Variants in MYH9 observed in about 807,000 individuals in gnomAD.
MYH9 encodes myosin heavy chain 9, also known as myosin-9.
Under a neutral mutation model 241.9 loss-of-function variants are expected in MYH9, and 29 were observed. That is an observed-to-expected ratio of 0.12 (90% CI 0.09 to 0.16). The LOEUF is 0.16. Ranked by LOEUF, MYH9 falls within the 10% of genes least tolerant of loss-of-function variation. The pLI is 1.00. For synonymous variants in MYH9, 1,047 were observed against 1,062.6 expected (o/e 0.99, Z 0.29); for missense variants, 1,803 against 2,595.5 (o/e 0.69, Z 6.63).
chr22:36,360,580 G>A lies in MYH9; in HGVS notation c.-19-11325C>T, dbSNP rs2146405435. Reference sequence around the variant, plus strand: ...TACAAAAAATTAGCCGGGCATGGTGGCGGGCACCTGTAGTCCCAGCTACTC... The same window carrying A: ...TACAAAAAATTAGCCGGGCATGGTGACGGGCACCTGTAGTCCCAGCTACTC... On this transcript the variant is annotated intron_variant, in intron 1 of 40. Transcript: ENST00000216181. Among the ~76,000 whole-genome samples the A allele has an allele frequency of 1.3e-5, 2 of 152,042 alleles. 1 individual carries two copies. The highest frequency in any genetic ancestry group is 4.2e-4 in the South Asian group (2 of 4,802).
chr22:36,286,631 T>G, intron 35 of MYH9, 87 bp downstream of exon 35: 2 of 1,586,388 alleles, frequency 1.3e-6, no homozygotes, highest in Non-Finnish European at 1.7e-6. Context: ...CCAGTAGGAC[T>G]CCAGCCCTGT....
At position 36,288,109 on chromosome 22, in the gene MYH9, G is replaced by T; in HGVS notation, c.4932+143C>A. 1 of 958,170 alleles carries T rather than the reference G, an allele frequency of 1.0e-6. No individual in the cohort carries two copies. The highest frequency in any genetic ancestry group is 1.6e-6 in the Non-Finnish European group (1 of 619,908). 59.4% of individuals were successfully genotyped at this position (958,170 alleles called of 1,614,324 possible). ...TCTGAGCCTCTGAGTCTCTGTCAGTGAGATGGGGCTGGAAGCACCCAGGAC... is the reference window on the plus strand; with the variant it reads ...TCTGAGCCTCTGAGTCTCTGTCAGTTAGATGGGGCTGGAAGCACCCAGGAC... On this transcript the variant is annotated intron_variant, in intron 34 of 40. Transcript: ENST00000216181. The surrounding 1 kb of genome is among the most constrained non-coding windows in gnomAD (Gnocchi z 4.8).
intron 2 of MYH9, among the ~76,000 whole-genome samples, chr22:36,342,717 T>C: frequency 6.6e-6 from 1 of 151,330 alleles, no homozygotes; most frequent in Non-Finnish European, 1.5e-5. Context: ...AACGCAACCC[T>C]CTTCAAGCAA....
rs1452906166 is a variant in MYH9 at position 36,309,282 on chromosome 22, C to T, written c.1843G>A (p.Val615Met). Residue 615 changes from valine (V) to methionine (M), a missense_variant and splice_region_variant, in exon 15 of 41, where the codon GTG becomes ATG. This residue lies in a region of MYH9 where 163 missense variants were observed against 349.7 expected (regional missense o/e 0.47). Transcript: ENST00000216181. ...DKFVSELWKD[V>M]DRIIGLDQVA... Reference sequence around the variant, plus strand: ...AGGGGGCGAAGGGCAAAGGGCGTACCATCCTTCCACAGCTCCGAGACAAAC... The same window carrying T: ...AGGGGGCGAAGGGCAAAGGGCGTACTATCCTTCCACAGCTCCGAGACAAAC... 6.2e-7 allele frequency: 1 copy of T among 1,613,670 alleles called. No individual in the cohort carries two copies. The highest frequency in any genetic ancestry group is 1.1e-5 in the South Asian group (1 of 91,066).
At chr22:36,327,806 C>T (rs1469907971) in intron 3 of MYH9, among the ~76,000 whole-genome samples, 1 of 152,184 alleles carries the variant, frequency 6.6e-6, no homozygotes, top group Admixed American at 6.5e-5. Context: ...AGTCGACTTC[C>T]CTGGGAGCTG....
chr22:36,327,440 C>T, intron 4 of MYH9, 21 bp downstream of exon 4: 3 of 1,613,864 alleles, frequency 1.9e-6, no homozygotes, highest in Non-Finnish European at 2.5e-6. Context: ...CGAACCACTA[C>T]CCAGACGGAG....
rs1407087787 is a variant in MYH9 at position 36,329,811 on chromosome 22, G to A, written c.491-2323C>T. ...AGGGCATGGACACACACATAGACAC[G>A]CAAGCATCTGTGCATACACAGTCAC... On this transcript the variant is annotated intron_variant, in intron 3 of 40. Coordinates refer to ENST00000216181, the MANE Select transcript of MYH9 (RefSeq NM_002473.6). The surrounding 1 kb of genome is among the most constrained non-coding windows in gnomAD (Gnocchi z 4.1). Among the ~76,000 whole-genome samples the A allele has an allele frequency of 1.3e-5, 2 of 152,196 alleles. No homozygotes were observed. The highest frequency in any genetic ancestry group is 2.1e-4 in the South Asian group (1 of 4,834).
chr22:36,381,576 G>A (rs968200797), intron 1 of MYH9, among the ~76,000 whole-genome samples: 2 of 151,090 alleles, frequency 1.3e-5, no homozygotes, highest in African/African-American at 4.9e-5. Flanking sequence ...CTGTTGCCTA[G>A]ACCCTAGGCA....
rs117042257 is a variant in MYH9 at position 36,352,248 on chromosome 22, G to A, written c.-19-2993C>T. ...CCAGAGCGTTCAACAAATATTTGCC[G>A]GATGTTATCAGGTAGGCAGGAAGGC... On this transcript the variant is annotated intron_variant, in intron 1 of 40. Coordinates refer to ENST00000216181, the MANE Select transcript of MYH9 (RefSeq NM_002473.6). 2.0e-3 allele frequency among the ~76,000 whole-genome samples: 300 copies of A among 152,304 alleles called. 1 individual carries two copies. The highest frequency in any genetic ancestry group is 5.8e-3 in the East Asian group (30 of 5,182).
Position 36,306,423 on chromosome 22 carries a change from G to GTGGT in MYH9, c.2024_2027dup (p.His676GlnfsTer48). 6.2e-7 allele frequency: 1 copy of GTGGT among 1,614,116 alleles called. No individual in the cohort carries two copies. The highest frequency in any genetic ancestry group is 8.5e-7 in the Non-Finnish European group (1 of 1,180,042). ...CACCAGGCAGCCGCACCTTCTTCTC[G>GTGGT]TGGTTGGGGATGATGCAGCGGACAA... On this transcript the variant is annotated frameshift_variant, in exon 16 of 41. Transcript: ENST00000216181. LOFTEE classifies it high-confidence loss of function. The surrounding 1 kb of genome is among the most constrained non-coding windows in gnomAD (Gnocchi z 4.1).
intron 2 of MYH9, among the ~76,000 whole-genome samples, chr22:36,347,435 C>T (rs1459553430): frequency 2.0e-5 from 3 of 151,690 alleles, no homozygotes; most frequent in African/African-American, 7.3e-5. Context: ...AACAAGCATC[C>T]GTAAAGAACA....
At chr22:36,292,290 C>A (rs984313527) in intron 30 of MYH9, 56 bp from the exon 31 acceptor site, 8 of 1,608,644 alleles carry the variant, frequency 5.0e-6, no homozygotes, top group African/African-American at 2.7e-5. Flanking sequence ...TCAGGTGGCA[C>A]ACCCGTCCCT....
At chr22:36,344,227 G>A (rs551548747) in intron 2 of MYH9, among the ~76,000 whole-genome samples, 2 of 152,370 alleles carry the variant, frequency 1.3e-5, no homozygotes, top group African/African-American at 2.4e-5. Flanking sequence ...GCGCCCACGC[G>A]GCGCGGCCAC....
intron 13 of MYH9, among the ~76,000 whole-genome samples, chr22:36,313,810 G>A (rs2017106293): frequency 6.6e-6 from 1 of 152,290 alleles, no homozygotes; most frequent in East Asian, 1.9e-4. Context: ...TTAAGACAAA[G>A]AAATGCTTAT....
intron 27 of MYH9, 122 bp from the exon 28 acceptor site, chr22:36,294,420 G>A: frequency 2.8e-6 from 3 of 1,067,180 alleles, no homozygotes; most frequent in Admixed American, 2.0e-5. Flanking sequence ...CGGTGTGCCT[G>A]CGTCCTGGAC....
At chr22:36,343,328 G>C (rs2017618914) in intron 2 of MYH9, among the ~76,000 whole-genome samples, 1 of 152,084 alleles carries the variant, frequency 6.6e-6, no homozygotes, top group Non-Finnish European at 1.5e-5. Context: ...TTGAGGCCAG[G>C]AGTTCGAGAC....
At chr22:36,287,052 G>A (rs1005307635) in intron 34 of MYH9, 7 of 688,252 alleles carry the variant, frequency 1.0e-5, no homozygotes, top group African/African-American at 1.8e-5. Context: ...GACAGTGTTC[G>A]TCACCGTGGA....
rs747177367 is a variant in MYH9, at chr22:36,285,129, G to C, written c.5475C>G (p.Asn1825Lys). ...GGGCCAGGGGCACGTACTTGGTCTC[G>C]TTGTCCAGCTGCTCCTCCAGCTGTG... ...KIAQLEEQLDNETKERQAACK... is the reference protein window; with the variant it reads ...KIAQLEEQLDKETKERQAACK... Residue 1825 changes from asparagine (N) to lysine (K), a missense_variant, in exon 38 of 41, where the codon AAC becomes AAG. Around this residue, in one of 11 missense-constraint regions of MYH9, gnomAD observed 876 missense variants for 1,077.8 expected, o/e 0.81. Coordinates refer to ENST00000216181, the MANE Select transcript of MYH9 (RefSeq NM_002473.6). The surrounding 1 kb of genome is among the most constrained non-coding windows in gnomAD (Gnocchi z 7.0). 2.5e-6 allele frequency: 4 copies of C among 1,613,986 alleles called. No homozygotes were observed. Among genetic ancestry groups the C allele is most frequent in the South Asian group, 2.2e-5 (2 of 91,076 alleles).
chr22:36,349,079 T>G lies in MYH9; in HGVS notation c.158A>C (p.Glu53Ala), dbSNP rs546497514. The change falls in exon 2 of 41, where the codon GAG becomes GCG. Residue 53 changes from glutamate (E) to alanine (A), a missense_variant. Transcript: ENST00000216181. ...PASLKEEVGEEAIVELVENGK... is the reference protein window; with the variant it reads ...PASLKEEVGEAAIVELVENGK... Reference sequence around the variant, plus strand: ...ATTCTCCACCAGCTCCACGATGGCCTCTTCGCCCACCTCCTCCTTGAGGCT... The same window carrying G: ...ATTCTCCACCAGCTCCACGATGGCCGCTTCGCCCACCTCCTCCTTGAGGCT... The G allele has an allele frequency of 1.9e-6, 3 of 1,614,244 alleles. No homozygotes were observed. In the African/African-American group the frequency reaches 4.0e-5, roughly 22 times the overall value.
Sources: allele counts gnomAD v4.1 joint callset (sites outside exome capture counted in the v4.1 genomes callset), GRCh38; gene constraint gnomAD v4.1.1; regional missense constraint gnomAD v4.1.1; non-coding constraint Gnocchi (gnomAD v3.1); transcripts MANE v1.5; gene names NCBI Gene and HGNC (gene_info 2026-07-23, HGNC 2026-07-21).